SLC4A7: variants seen among roughly 807,000 people sequenced by gnomAD.
SLC4A7 encodes sodium bicarbonate cotransporter 3.
A neutral mutation model predicts 137.6 loss-of-function variants in SLC4A7; 51 were observed. The ratio of observed to expected loss-of-function variants is 0.37; its 90% CI spans 0.30 to 0.47. SLC4A7 has a LOEUF of 0.47. Among genes scored for constraint, SLC4A7 ranks in the 20% least tolerant of loss-of-function variants. The pLI is 1.00. For synonymous variants in SLC4A7, 542 were observed against 518.6 expected (o/e 1.05, Z -0.61); for missense variants, 1,247 against 1,525.4 (o/e 0.82, Z 3.04).
At chr3:27,445,123 T>G (rs1352762655) in intron 3 of SLC4A7, among the ~76,000 whole-genome samples, 1 of 152,224 alleles carries the variant, frequency 6.6e-6, no homozygotes, top group Non-Finnish European at 1.5e-5. Context: ...ATTCCCAGCC[T>G]TGTGTGAAAG....
At chr3:27,430,656 A>G (rs2056179736) in intron 7 of SLC4A7, among the ~76,000 whole-genome samples, 1 of 150,368 alleles carries the variant, frequency 6.7e-6, no homozygotes, top group Non-Finnish European at 1.5e-5. Flanking sequence ...TGGTGAAAAC[A>G]TGTCTCCACA....
At chr3:27,399,455 G>C (rs2052534465) in intron 16 of SLC4A7, among the ~76,000 whole-genome samples, 1 of 152,066 alleles carries the variant, frequency 6.6e-6, no homozygotes, top group Non-Finnish European at 1.5e-5. Context: ...TGTTTTTAGA[G>C]ACAGGGTCTC....
chr3:27,394,388 T>C (rs2051922832), intron 20 of SLC4A7, 130 bp downstream of exon 20: 2 of 804,166 alleles, frequency 2.5e-6, no homozygotes, highest in Admixed American at 2.5e-5. Flanking sequence ...AATGAAATTA[T>C]TTCCCAAGTA....
intron 7 of SLC4A7, among the ~76,000 whole-genome samples, chr3:27,425,634 C>T (rs1020848682): frequency 3.1e-5 from 4 of 127,610 alleles, no homozygotes; most frequent in African/African-American, 1.2e-4. Flanking sequence ...CAAGATTGCA[C>T]CATTGCACTC....
At chr3:27,458,952 G>A (rs531939907) in intron 1 of SLC4A7, among the ~76,000 whole-genome samples, 4 of 151,972 alleles carry the variant, frequency 2.6e-5, no homozygotes, top group Non-Finnish European at 5.9e-5. Context: ...ATCATGCCAC[G>A]GCACTGCACT....
At chr3:27,401,929 C>T (rs189677939) in intron 15 of SLC4A7, among the ~76,000 whole-genome samples, 3 of 152,236 alleles carry the variant, frequency 2.0e-5, no homozygotes, top group Admixed American at 2.0e-4. Context: ...ATAACAGATT[C>T]GGCATCATAG....
intron 1 of SLC4A7, among the ~76,000 whole-genome samples, chr3:27,469,061 T>A (rs1181321313): frequency 1.3e-5 from 2 of 151,518 alleles, no homozygotes; most frequent in African/African-American, 4.9e-5. Context: ...GAGCTGATTT[T>A]GCACCACTAC....
At chr3:27,429,321 G>A (rs1211440901) in intron 7 of SLC4A7, among the ~76,000 whole-genome samples, 2 of 149,804 alleles carry the variant, frequency 1.3e-5, no homozygotes, top group Admixed American at 1.3e-4. Context: ...ATAATTTTTT[G>A]CTAATTTTGC....
intron 16 of SLC4A7, among the ~76,000 whole-genome samples, chr3:27,398,770 T>C (rs1029247362): frequency 7.9e-5 from 12 of 152,152 alleles, no homozygotes; most frequent in Non-Finnish European, 7.4e-5. Context: ...AGATAGAAAA[T>C]TAATACTATG....
At chr3:27,423,231 G>C (rs1055507465) in intron 8 of SLC4A7, among the ~76,000 whole-genome samples, 15 of 152,122 alleles carry the variant, frequency 9.9e-5, no homozygotes, top group African/African-American at 3.6e-4. Context: ...AGACTAAAAG[G>C]CTTAAGAAAT....
chr3:27,440,782 A>C (rs1177717962), intron 3 of SLC4A7, among the ~76,000 whole-genome samples: 3 of 150,920 alleles, frequency 2.0e-5, no homozygotes, highest in Non-Finnish European at 4.4e-5. Flanking sequence ...GGTGGCTCAC[A>C]CCTGTAATCC....
At chr3:27,430,437 A>G (rs1051837027) in intron 7 of SLC4A7, among the ~76,000 whole-genome samples, 4 of 152,018 alleles carry the variant, frequency 2.6e-5, no homozygotes, top group African/African-American at 7.2e-5. Context: ...AGCCTGGGCA[A>G]CATGGTGAGA....
At position 27,400,826 on chromosome 3, in the gene SLC4A7, C is replaced by T; in HGVS notation, c.2365G>A (p.Ala789Thr). ...GTTATATTATCTTTCTTCCATTGTG[C>T]TAGAGTTTCATTGCTGGGGTTTGGA... is the stretch of plus-strand genomic sequence containing the variant. ...EPPNPSNETL[A>T]QWKKDNITAH... Residue 789 changes from alanine (A) to threonine (T), a missense_variant, in exon 16 of 26, where the codon GCA (alanine) becomes ACA (threonine). By Grantham distance (58) the Ala-to-Thr change is moderately conservative (BLOSUM62 0). Transcript: ENST00000454389. The T allele has an allele frequency of 6.2e-7, 1 of 1,608,956 alleles. No homozygotes were observed. Among genetic ancestry groups the T allele is most frequent in the Non-Finnish European group, 8.5e-7 (1 of 1,175,528 alleles).
intron 1 of SLC4A7, among the ~76,000 whole-genome samples, chr3:27,472,453 CGACAGAA>C: frequency 6.6e-6 from 1 of 151,076 alleles, no homozygotes; most frequent in East Asian, 2.0e-4. Flanking sequence ...CCAGCCTGGG[CGACAGAA>C]TGAGACTCCA....
At chr3:27,426,791 C>T (rs567315735) in intron 7 of SLC4A7, among the ~76,000 whole-genome samples, 11 of 152,258 alleles carry the variant, frequency 7.2e-5, no homozygotes, top group African/African-American at 2.4e-4. Context: ...TTTGTGTAGT[C>T]TTTCCCAACC....
chr3:27,460,222 C>A (rs994434574), intron 1 of SLC4A7, among the ~76,000 whole-genome samples: 29 of 151,782 alleles, frequency 1.9e-4, no homozygotes, highest in African/African-American at 7.0e-4. Context: ...TAAGTAGAGA[C>A]CAGGTTTCTC....
chr3:27,467,480 C>T (rs577375694), intron 1 of SLC4A7, among the ~76,000 whole-genome samples: 25 of 152,284 alleles, frequency 1.6e-4, no homozygotes, highest in African/African-American at 6.0e-4. Flanking sequence ...CAAATGTCAA[C>T]ACAATAAATC....
intron 10 of SLC4A7, among the ~76,000 whole-genome samples, chr3:27,419,247 G>C (rs2054691356): frequency 6.6e-6 from 1 of 151,910 alleles, no homozygotes; most frequent in Admixed American, 6.6e-5. Flanking sequence ...TGATGGGAAA[G>C]AACAAAGGAG....
chr3:27,385,985 CA>C lies in SLC4A7; in HGVS notation c.3398del (p.Leu1133ArgfsTer62). On this transcript the variant is annotated frameshift_variant, in exon 23 of 26. Coordinates refer to ENST00000454389, the MANE Select transcript of SLC4A7 (RefSeq NM_001321103.2). LOFTEE classifies it high-confidence loss of function. The part of the protein sequence containing the change: ...ALVFVRKLMD[L>X]CFTKRELSWL... ...AACTAAGTTCTCTCTTCGTGAAACA[CA>C]GGTCCATGAGTTTGCGCACAAACAC... is the stretch of plus-strand genomic sequence containing the variant. 6.2e-7 allele frequency: 1 copy of C among 1,610,214 alleles called. No homozygotes were observed. Among genetic ancestry groups the C allele is most frequent in the Non-Finnish European group, 8.5e-7 (1 of 1,178,234 alleles).
Sources: allele counts gnomAD v4.1 joint callset (sites outside exome capture counted in the v4.1 genomes callset), GRCh38; gene constraint gnomAD v4.1.1; transcripts MANE v1.5; gene names NCBI Gene and HGNC (gene_info 2026-07-23, HGNC 2026-07-21).